The following LRP2BP variants were observed in gnomAD, a reference collection of about 807,000 sequenced individuals.
LRP2BP encodes the protein LRP2-binding protein.
LRP2BP carries 38 observed loss-of-function variants against 45.2 expected under a neutral mutation model. The observed-to-expected ratio is 0.84, with a 90% CI of 0.65 to 1.10. The LOEUF (loss-of-function observed/expected upper bound fraction) is 1.10, where lower values mean the gene tolerates loss of function less well. LRP2BP is among the 50% of genes least tolerant of loss of function. LRP2BP has a pLI of 0.00. For missense variants in LRP2BP, 385 were observed against 418.9 expected, an observed-to-expected ratio of 0.92 and a Z score of 0.71; for synonymous variants, 153 against 153.9, an observed-to-expected ratio of 0.99 and a Z score of 0.04.
At position 185,374,412 on chromosome 4, in the gene LRP2BP, T is replaced by C; in HGVS notation, c.380A>G (p.Lys127Arg). 1 of 1,614,158 alleles carries C rather than the reference T, an allele frequency of 6.2e-7. No homozygotes were observed. Among genetic ancestry groups the C allele is most frequent in the Non-Finnish European group, 8.5e-7 (1 of 1,180,034 alleles). ...AGCTGCAAATTTTAAGTGTCTTGCTTTGGGACATGGAGAATCAAGAATTTT... is the reference window on the plus strand; with the variant it reads ...AGCTGCAAATTTTAAGTGTCTTGCTCTGGGACATGGAGAATCAAGAATTTT... ...MKKILDSPCP[K>R]ARHLKFAAAY... is the part of the protein sequence containing the mutation. Residue 127 changes from lysine (K) to arginine (R), a missense_variant, in exon 5 of 9, where the codon AAA (lysine) becomes AGA (arginine). Transcript: ENST00000505916.
chr4:185,367,311 T>C, intron 8 of LRP2BP, 66 bp from the exon 9 acceptor site: 1 of 1,406,780 alleles, frequency 7.1e-7, no homozygotes, highest in Admixed American at 2.2e-5. Flanking sequence ...TTCTTTTTTT[T>C]TTTTTCTTTT....
At chr4:185,388,131 G>A (rs2095477039) in intron 1 of LRP2BP, among the ~76,000 whole-genome samples, 1 of 152,172 alleles carries the variant, frequency 6.6e-6, no homozygotes, top group Non-Finnish European at 1.5e-5. Flanking sequence ...AGATGATGGA[G>A]GAGTTCCACG....
chr4:185,389,847 T>C (rs530659888), intron 1 of LRP2BP, among the ~76,000 whole-genome samples: 10 of 152,044 alleles, frequency 6.6e-5, no homozygotes, highest in African/African-American at 2.4e-4. Flanking sequence ...AGAATGACAG[T>C]GGAGATTAAT....
chr4:185,377,942 G>A (rs899386906), intron 2 of LRP2BP, 139 bp downstream of exon 2: 17 of 669,220 alleles, frequency 2.5e-5, no homozygotes, highest in Non-Finnish European at 3.4e-5. Context: ...AGATTCTTGC[G>A]GGAAAACTCA....
At chr4:185,389,835 CAAGAAT>C (rs2095483487) in intron 1 of LRP2BP, among the ~76,000 whole-genome samples, 1 of 152,208 alleles carries the variant, frequency 6.6e-6, no homozygotes, top group African/African-American at 2.4e-5. Flanking sequence ...GGTGGTCAAA[CAAGAAT>C]GACAGTGGAG....
intron 1 of LRP2BP, among the ~76,000 whole-genome samples, chr4:185,389,239 C>T (rs1010866056): frequency 2.0e-5 from 3 of 151,460 alleles, no homozygotes; most frequent in Admixed American, 6.6e-5. Context: ...AACGGAGTCT[C>T]ACACTGTTGC....
intron 1 of LRP2BP, among the ~76,000 whole-genome samples, chr4:185,387,850 C>T (rs767272205): frequency 3.3e-4 from 50 of 152,176 alleles, no homozygotes; most frequent in African/African-American, 1.1e-3. Context: ...CCCACGTCTC[C>T]GTGCCTTGAA....
At chr4:185,391,543 G>C (rs924250693) in intron 1 of LRP2BP, among the ~76,000 whole-genome samples, 1 of 152,122 alleles carries the variant, frequency 6.6e-6, no homozygotes, top group African/African-American at 2.4e-5. Context: ...TATCAGTATA[G>C]ACTCATGGAT....
intron 1 of LRP2BP, among the ~76,000 whole-genome samples, chr4:185,386,166 C>T (rs367613979): frequency 1.3e-5 from 2 of 152,278 alleles, no homozygotes; most frequent in South Asian, 4.1e-4. Context: ...ACAAAACAAG[C>T]AAGATATATT....
At position 185,395,770 on chromosome 4, in the gene LRP2BP, G is replaced by C. The variant is rs1019911200; in HGVS notation, c.-1013C>G. On this transcript the variant is annotated 5_prime_UTR_variant, in exon 1 of 9. Coordinates refer to ENST00000505916, the MANE Select transcript of LRP2BP (RefSeq NM_001377440.1). The stretch of plus-strand genomic sequence containing the variant: ...ATCTTTAGAGGACAAGCATGAACTT[G>C]TTTTCTAACAGCATAACAATAAACG... 3.2e-5 allele frequency: 32 copies of C among 985,294 alleles called. No homozygotes were observed. Among genetic ancestry groups the C allele is most frequent in the Admixed American group, 1.8e-4 (3 of 16,266 alleles). 61.0% of individuals were successfully genotyped at this position (985,294 alleles called of 1,614,324 possible).
intron 7 of LRP2BP, among the ~76,000 whole-genome samples, chr4:185,372,085 G>A (rs1260726722): frequency 6.6e-6 from 1 of 152,178 alleles, no homozygotes; most frequent in African/African-American, 2.4e-5. Flanking sequence ...TAGATATAGT[G>A]TCAGTCTTTT....
At chr4:185,376,836 T>C (rs974379611) in intron 3 of LRP2BP, 73 bp downstream of exon 3, 1 of 1,018,284 alleles carries the variant, frequency 9.8e-7, no homozygotes, top group Non-Finnish European at 1.5e-6. Flanking sequence ...TAAGAAACTC[T>C]ACATGAAATT....
chr4:185,389,723 T>G (rs2095483125), intron 1 of LRP2BP, among the ~76,000 whole-genome samples: 1 of 152,196 alleles, frequency 6.6e-6, no homozygotes, highest in Non-Finnish European at 1.5e-5. Context: ...AATACAAACC[T>G]TCGTATCTGT....
chr4:185,375,573 C>A, intron 4 of LRP2BP, 40 bp downstream of exon 4: 1 of 993,176 alleles, frequency 1.0e-6, no homozygotes, highest in South Asian at 2.3e-5. Context: ...AATCCACTGA[C>A]AATGAAATCT....
Position 185,371,494 on chromosome 4 carries a change from A to G in LRP2BP, c.804-680T>C, listed in dbSNP as rs375295622. On this transcript the variant is annotated intron_variant, in intron 7 of 8. Coordinates refer to ENST00000505916, the MANE Select transcript of LRP2BP (RefSeq NM_001377440.1). Reference sequence around the variant, plus strand: ...AAGGCAGAGCTTGCAGTGAGCCGAGATCGCACCACTGCACTCCAGCCTGGG... The same window carrying G: ...AAGGCAGAGCTTGCAGTGAGCCGAGGTCGCACCACTGCACTCCAGCCTGGG... Among the ~76,000 whole-genome samples the G allele has an allele frequency of 1.0e-4, 15 of 148,192 alleles. No homozygotes were observed. The South Asian group carries it at 3.3e-3, about 32-fold the overall frequency.
chr4:185,371,434 C>G (rs553479677), intron 7 of LRP2BP, among the ~76,000 whole-genome samples: 14 of 150,592 alleles, frequency 9.3e-5, no homozygotes, highest in South Asian at 2.1e-4. Flanking sequence ...CCCAGCTACT[C>G]GGGAGGCTGA....
upstream of LRP2BP, chr4:185,397,210 T>A (rs1438419452): frequency 1.9e-6 from 3 of 1,614,114 alleles, no homozygotes; most frequent in African/African-American, 4.0e-5. Flanking sequence ...CCCGGATCCC[T>A]GCAAGCAGTC....
chr4:185,381,338 G>T (rs1241643272), intron 1 of LRP2BP, among the ~76,000 whole-genome samples: 1 of 152,044 alleles, frequency 6.6e-6, no homozygotes, highest in African/African-American at 2.4e-5. Context: ...TGGACTTTGG[G>T]TAGCTTCTGT....
Position 185,373,052 on chromosome 4 carries a change from C to T in LRP2BP, c.607G>A (p.Gly203Ser). The change falls in exon 7 of 9, where the codon GGC becomes AGC. Residue 203 changes from glycine (G) to serine (S), a missense_variant. Gly to Ser is a moderately conservative substitution (Grantham distance 56, BLOSUM62 0). Transcript: ENST00000505916. The stretch of plus-strand genomic sequence containing the variant: ...CCCTGGGACTCCAGATTCCCATTGC[C>T]ACATGCTTCGGAATGCCAGTAAAAT... ...KAFYWHSEACGNGNLESQGAL... is the reference protein window; with the variant it reads ...KAFYWHSEACSNGNLESQGAL... 6.2e-7 allele frequency: 1 copy of T among 1,610,172 alleles called. No individual in the cohort carries two copies. The highest frequency in any genetic ancestry group is 8.5e-7 in the Non-Finnish European group (1 of 1,176,626).
Sources: gnomAD v4.1 joint callset for allele counts (sites outside exome capture counted in the v4.1 genomes callset) on GRCh38, gnomAD v4.1.1 for gene constraint, MANE v1.5 for transcripts, NCBI Gene and HGNC (gene_info 2026-07-23, HGNC 2026-07-21) for gene names.